The following SAMD8 variants were observed in gnomAD, a reference collection of about 807,000 sequenced individuals.
The protein encoded by SAMD8 is sphingomyelin synthase-related protein 1.
Under a neutral mutation model 42.0 loss-of-function variants are expected in SAMD8, and 20 were observed. The ratio of observed to expected loss-of-function variants is 0.48; its 90% CI spans 0.34 to 0.69. The LOEUF (loss-of-function observed/expected upper bound fraction) is 0.69. SAMD8 is among the 30% of genes least tolerant of loss of function. SAMD8 has a pLI of 0.01. For synonymous variants in SAMD8, 162 were observed against 173.0 expected (o/e 0.94, Z 0.50); for missense variants, 328 against 511.6 (o/e 0.64, Z 3.46).
intron 2 of SAMD8, among the ~76,000 whole-genome samples, chr10:75,151,521 T>C (rs1840287059): frequency 6.6e-6 from 1 of 151,858 alleles, no homozygotes; most frequent in African/African-American, 2.4e-5. Context: ...GCCCAGCTAA[T>C]TTTTAAGTTT....
intron 1 of SAMD8, among the ~76,000 whole-genome samples, chr10:75,144,082 C>A (rs755886422): frequency 6.6e-6 from 1 of 151,778 alleles, no homozygotes; most frequent in African/African-American, 2.4e-5. Context: ...ATTCTCCTGC[C>A]TCAGCCTCCA....
chr10:75,121,453 C>CT, intron 1 of SAMD8, among the ~76,000 whole-genome samples: 1 of 152,202 alleles, frequency 6.6e-6, no homozygotes, highest in Non-Finnish European at 1.5e-5. Context: ...CCTAAGAACT[C>CT]TGTCATCCTG....
intron 2 of SAMD8, among the ~76,000 whole-genome samples, chr10:75,152,521 CAAA>C (rs1280262074): frequency 6.5e-5 from 3 of 46,456 alleles, no homozygotes; most frequent in Non-Finnish European, 1.3e-4. Context: ...GACTCCGTCT[CAAA>C]AAAAAAAAAA....
chr10:75,102,070 A>C (rs35369821), intron 1 of SAMD8: 21,196 of 760,274 alleles, frequency 0.028, 408 homozygotes, highest in Non-Finnish European at 0.036. Flanking sequence ...GCCAGTGCCA[A>C]GCACAGTCAG....
At chr10:75,162,505 C>T (rs1341710600) in intron 2 of SAMD8, among the ~76,000 whole-genome samples, 2 of 151,494 alleles carry the variant, frequency 1.3e-5, no homozygotes, top group South Asian at 2.1e-4. Flanking sequence ...CACAATTAGC[C>T]GGGCCTGGTG....
chr10:75,147,636 G>A, intron 1 of SAMD8, among the ~76,000 whole-genome samples: 1 of 152,112 alleles, frequency 6.6e-6, no homozygotes. Flanking sequence ...TTTGTTTTAT[G>A]TGAAGGAAAC....
In SAMD8 at chr10:75,176,017, C is replaced by G; in HGVS notation, c.793-49C>G. ...CAATAGGAATGGATGTTGGGAAGTT[C>G]CCACCTCCCTAAGCATTTGAAGCAC... On this transcript the variant is annotated intron_variant, in intron 4 of 5. Transcript: ENST00000542569. This position sits in a 1 kb window ranked among gnomAD's most constrained non-coding sequence, Gnocchi z 4.3. 1 of 1,571,972 alleles carries G rather than the reference C, an allele frequency of 6.4e-7. No homozygotes were observed. The highest frequency in any genetic ancestry group is 1.4e-5 in the African/African-American group (1 of 73,454).
At chr10:75,101,461 A>G (rs1848154271) in intron 1 of SAMD8, among the ~76,000 whole-genome samples, 1 of 151,996 alleles carries the variant, frequency 6.6e-6, no homozygotes, top group Non-Finnish European at 1.5e-5. Context: ...GTATTTCTTG[A>G]TATTTCTTTC....
chr10:75,137,362 A>G (rs1839912819), intron 1 of SAMD8, among the ~76,000 whole-genome samples: 1 of 152,124 alleles, frequency 6.6e-6, no homozygotes, highest in Non-Finnish European at 1.5e-5. Flanking sequence ...CAACATTGTG[A>G]AACCCCACCT....
chr10:75,142,315 T>A (rs2134463725), intron 1 of SAMD8, among the ~76,000 whole-genome samples: 1 of 152,298 alleles, frequency 6.6e-6, no homozygotes, highest in Non-Finnish European at 1.5e-5. Flanking sequence ...TCTCTTTAGC[T>A]TCTTGGTGGT....
chr10:75,125,577 C>T (rs1000868742), intron 1 of SAMD8: 2 of 152,148 alleles, frequency 1.3e-5, no homozygotes, highest in Non-Finnish European at 2.9e-5. Context: ...GATTGTGCCA[C>T]TGCACTCCAG....
intron 1 of SAMD8, among the ~76,000 whole-genome samples, chr10:75,133,429 A>T (rs546258846): frequency 6.6e-6 from 1 of 152,192 alleles, no homozygotes; most frequent in African/African-American, 2.4e-5. Context: ...TAGAACTACC[A>T]TACGATCCAG....
Position 75,180,890 on chromosome 10 carries a change from T to C in SAMD8, c.*4198T>C, listed in dbSNP as rs1841071132. 1 of 152,220 alleles carries C rather than the reference T, an allele frequency of 6.6e-6. No homozygotes were observed. The highest frequency in any genetic ancestry group is 1.5e-5 in the Non-Finnish European group (1 of 68,042). The allele number at this position is 152,220 out of a possible 1,614,324, so 9.4% of individuals were successfully genotyped here. ...ATAACACTAGTCTTCTTTGACTGTA[T>C]TCAACAAAAGGCAGTTTCACCATTA... On this transcript the variant is annotated 3_prime_UTR_variant, in exon 6 of 6. Coordinates refer to ENST00000542569, the MANE Select transcript of SAMD8 (RefSeq NM_001174156.2).
chr10:75,136,548 G>A (rs950928832), intron 1 of SAMD8, among the ~76,000 whole-genome samples: 1 of 152,272 alleles, frequency 6.6e-6, no homozygotes, highest in Non-Finnish European at 1.5e-5. Context: ...GGACTAAAGA[G>A]CCTTTGGTAA....
chr10:75,160,093 A>T (rs926048453), intron 2 of SAMD8, among the ~76,000 whole-genome samples: 1 of 152,184 alleles, frequency 6.6e-6, no homozygotes, highest in Non-Finnish European at 1.5e-5. Context: ...AACTGCATCA[A>T]TCTGGGGCTT....
intron 4 of SAMD8, among the ~76,000 whole-genome samples, chr10:75,171,114 C>G (rs1840850890): frequency 6.8e-6 from 1 of 146,332 alleles, no homozygotes; most frequent in South Asian, 2.2e-4. Context: ...ATATTGCAAA[C>G]ATTGTTCTTT....
intron 1 of SAMD8, among the ~76,000 whole-genome samples, chr10:75,140,639 GA>G (rs1450829528): frequency 6.6e-6 from 1 of 152,206 alleles, no homozygotes; most frequent in Non-Finnish European, 1.5e-5. Context: ...TGATTTTTGG[GA>G]AAAGAGGAGG....
At chr10:75,170,664 CTGAT>C (rs1318806225) in intron 4 of SAMD8, among the ~76,000 whole-genome samples, 2 of 150,822 alleles carry the variant, frequency 1.3e-5, no homozygotes, top group Non-Finnish European at 2.9e-5. Context: ...AAAAATTCAC[CTGAT>C]TCTTTTTTAC....
chr10:75,154,431 A>G lies in SAMD8; in HGVS notation c.578+3325A>G, dbSNP rs146479660. 4.6e-3 allele frequency among the ~76,000 whole-genome samples: 708 copies of G among 152,336 alleles called. 4 individuals are homozygous for G. Among genetic ancestry groups the G allele is most frequent in the Non-Finnish European group, 5.7e-3 (388 of 68,028 alleles). On this transcript the variant is annotated intron_variant, in intron 2 of 5. Coordinates refer to ENST00000542569, the MANE Select transcript of SAMD8 (RefSeq NM_001174156.2). Reference sequence around the variant, plus strand: ...GGGAAAATAGTACTTTAGGCAAAGCAAACAGCTGGGTGCAAAAATCTGAAC... The same window carrying G: ...GGGAAAATAGTACTTTAGGCAAAGCGAACAGCTGGGTGCAAAAATCTGAAC...
Sources: allele counts gnomAD v4.1 joint callset (sites outside exome capture counted in the v4.1 genomes callset), GRCh38; gene constraint gnomAD v4.1.1; non-coding constraint Gnocchi (gnomAD v3.1); transcripts MANE v1.5; gene names NCBI Gene and HGNC (gene_info 2026-07-23, HGNC 2026-07-21).